DAB1: variants seen among roughly 807,000 people sequenced by gnomAD.
DAB1 encodes the protein DAB adaptor protein 1.
Under a neutral mutation model 64.6 loss-of-function variants are expected in DAB1, and 15 were observed. That is an observed-to-expected ratio of 0.23 (90% CI 0.16 to 0.36). DAB1 has a LOEUF of 0.36. Among genes scored for constraint, DAB1 ranks in the 10% least tolerant of loss-of-function variants. The pLI, the probability that DAB1 is intolerant of heterozygous loss-of-function variation, is 1.00. For missense variants in DAB1, 596 were observed against 706.7 expected, an observed-to-expected ratio of 0.84 and a Z score of 1.78; for synonymous variants, 235 against 251.9, an observed-to-expected ratio of 0.93 and a Z score of 0.64.
intron 6 of DAB1, among the ~76,000 whole-genome samples, chr1:57,759,018 G>A (rs1318584854): frequency 6.6e-6 from 1 of 152,134 alleles, no homozygotes; most frequent in Non-Finnish European, 1.5e-5. Flanking sequence ...ATTTTAAACA[G>A]TTGATTCCTA....
intron 3 of DAB1, among the ~76,000 whole-genome samples, chr1:58,477,894 G>A (rs1170017281): frequency 1.3e-5 from 2 of 152,132 alleles, no homozygotes; most frequent in Non-Finnish European, 2.9e-5. Context: ...AATACACCAT[G>A]TACCCTTGAG....
chr1:57,519,734 C>T (rs1644504385), intron 7 of DAB1, among the ~76,000 whole-genome samples: 1 of 152,176 alleles, frequency 6.6e-6, no homozygotes, highest in Non-Finnish European at 1.5e-5. Context: ...AATCCTATCT[C>T]CTACTGCACA....
chr1:57,825,813 C>T (rs1652325363), downstream of DAB1, among the ~76,000 whole-genome samples: 1 of 152,120 alleles, frequency 6.6e-6, no homozygotes, highest in Non-Finnish European at 1.5e-5. Context: ...GAATGTTGTT[C>T]AGGTCAGGTC....
chr1:57,465,528 T>C (rs751836091), intron 7 of DAB1, among the ~76,000 whole-genome samples: 4 of 152,360 alleles, frequency 2.6e-5, no homozygotes, highest in Non-Finnish European at 5.9e-5. Flanking sequence ...CTTGGATGAC[T>C]TTCTGTAGAA....
intron 2 of DAB1, among the ~76,000 whole-genome samples, chr1:57,281,332 T>G (rs1671870678): frequency 2.0e-5 from 3 of 152,120 alleles, no homozygotes; most frequent in Non-Finnish European, 4.4e-5. Flanking sequence ...CCAAAGCATT[T>G]CTGGAGAAAA....
intron 1 of DAB1, among the ~76,000 whole-genome samples, chr1:57,372,593 C>G (rs1441078994): frequency 6.6e-6 from 1 of 152,114 alleles, no homozygotes; most frequent in African/African-American, 2.4e-5. Context: ...TGTTTTGGCA[C>G]ACAAGCTCCA....
intron 7 of DAB1, among the ~76,000 whole-genome samples, chr1:57,462,082 T>C (rs1262059882): frequency 6.6e-6 from 1 of 150,860 alleles, no homozygotes; most frequent in East Asian, 2.0e-4. Context: ...GCCTCCCAAG[T>C]AGCTGGGAGG....
At chr1:57,698,757 T>G (rs945019861) in intron 6 of DAB1, among the ~76,000 whole-genome samples, 1 of 152,198 alleles carries the variant, frequency 6.6e-6, no homozygotes, top group African/African-American at 2.4e-5. Flanking sequence ...ACCCATTTAT[T>G]TGGCACTGGG....
At position 57,692,246 on chromosome 1, in the gene DAB1, C is replaced by T. The variant is rs571477123; in HGVS notation, n.552-42581G>A. On this transcript the variant is annotated intron_variant and non_coding_transcript_variant, in intron 6 of 20. Transcript: ENST00000485760. ...CACCTCTCTTCTCTGAGGCTAGTCCCGCTTCTAAAAACTACTCCCTGTCTC... is the reference window on the plus strand; with the variant it reads ...CACCTCTCTTCTCTGAGGCTAGTCCTGCTTCTAAAAACTACTCCCTGTCTC... 5.3e-5 allele frequency among the ~76,000 whole-genome samples: 8 copies of T among 152,222 alleles called. No individual in the cohort carries two copies. The East Asian group carries it at 5.8e-4, about 11-fold the overall frequency.
At chr1:58,247,259 C>T (rs1319248837) in intron 4 of DAB1, among the ~76,000 whole-genome samples, 3 of 87,612 alleles carry the variant, frequency 3.4e-5, no homozygotes, top group African/African-American at 1.0e-4. Context: ...TTTTTCATTT[C>T]CCCCCCCGCC....
chr1:57,659,110 T>A (rs1308098688), intron 6 of DAB1, among the ~76,000 whole-genome samples: 1 of 152,114 alleles, frequency 6.6e-6, no homozygotes, highest in Non-Finnish European at 1.5e-5. Context: ...TCATGCCTCC[T>A]GGAGGCACAA....
intron 3 of DAB1, among the ~76,000 whole-genome samples, chr1:58,344,877 A>ACAT (rs995028617): frequency 6.9e-5 from 2 of 29,058 alleles, no homozygotes; most frequent in Non-Finnish European, 1.3e-4. Context: ...TGAATACTCA[A>ACAT]AATATTATTC....
intron 4 of DAB1, among the ~76,000 whole-genome samples, chr1:57,129,083 C>T (rs534813893): frequency 3.3e-5 from 5 of 152,274 alleles, no homozygotes; most frequent in South Asian, 4.1e-4. Flanking sequence ...GTAAAAGCAA[C>T]TAGCTTAGAA....
At chr1:57,749,026 T>C (rs919431192) in intron 6 of DAB1, among the ~76,000 whole-genome samples, 2 of 152,206 alleles carry the variant, frequency 1.3e-5, no homozygotes, top group African/African-American at 4.8e-5. Flanking sequence ...TGTGATTCAA[T>C]TATTTGCAGG....
At chr1:57,161,699 C>T (rs1178426334) in intron 2 of DAB1, among the ~76,000 whole-genome samples, 1 of 151,914 alleles carries the variant, frequency 6.6e-6, no homozygotes, top group South Asian at 2.1e-4. Context: ...CAAAGGGAAA[C>T]ATGTTCAAGA....
intron 2 of DAB1, among the ~76,000 whole-genome samples, chr1:57,218,553 A>T (rs920798103): frequency 6.7e-6 from 1 of 149,888 alleles, no homozygotes; most frequent in Non-Finnish European, 1.5e-5. Flanking sequence ...ACAGAAAAAA[A>T]TTAGCCAGGT....
At chr1:57,251,973 A>G (rs1012944114) in intron 2 of DAB1, among the ~76,000 whole-genome samples, 26 of 152,346 alleles carry the variant, frequency 1.7e-4, no homozygotes, top group African/African-American at 6.0e-4. Context: ...TGCATACATC[A>G]TGGGGCAAGA....
chr1:57,454,686 G>A (rs926893202), intron 7 of DAB1, among the ~76,000 whole-genome samples: 3 of 152,012 alleles, frequency 2.0e-5, no homozygotes, highest in Admixed American at 2.0e-4. Flanking sequence ...TTATAAAGGA[G>A]AATGAGGAAG....
At chr1:57,190,347 G>T (rs1664017179) in intron 2 of DAB1, among the ~76,000 whole-genome samples, 1 of 152,136 alleles carries the variant, frequency 6.6e-6, no homozygotes. Flanking sequence ...ACCTTATAAA[G>T]GTGGTCTCAT....
Sources: gnomAD v4.1 joint callset for allele counts (sites outside exome capture counted in the v4.1 genomes callset) on GRCh38, gnomAD v4.1.1 for gene constraint, MANE v1.5 for transcripts, NCBI Gene and HGNC (gene_info 2026-07-23, HGNC 2026-07-21) for gene names.